Variants in PLEKHH2 observed in about 807,000 individuals in gnomAD.
The protein encoded by PLEKHH2 is pleckstrin homology, MyTH4 and FERM domain containing H2.
Under a neutral mutation model 187.9 loss-of-function variants are expected in PLEKHH2, and 129 were observed. The observed-to-expected ratio is 0.69, with a 90% CI of 0.59 to 0.79. PLEKHH2 has a LOEUF of 0.79. PLEKHH2 is among the 30% of genes least tolerant of loss of function. The pLI is 0.00. For synonymous variants in PLEKHH2, 686 were observed against 605.6 expected (o/e 1.13, Z -1.95); for missense variants, 2,076 against 1,751.2 (o/e 1.19, Z -3.31).
Position 43,710,806 on chromosome 2 carries a change from A to G in PLEKHH2, c.2301+231A>G, listed in dbSNP as rs111923496. 1.9e-3 allele frequency: 2,478 copies of G among 1,307,226 alleles called. 44 individuals carry two copies. In the African/African-American group the frequency reaches 0.031, roughly 16 times the overall value. 81.0% of individuals were successfully genotyped at this position (1,307,226 alleles called of 1,614,324 possible). ...CACCACACTTTACCTTTCTTCCTTT[A>G]TACTCTTCTTTCCTCATATTTAATC... On this transcript the variant is annotated intron_variant, in intron 14 of 29. Transcript: ENST00000282406.
intron 14 of PLEKHH2, chr2:43,710,996 T>G (rs1442739937): frequency 2.0e-6 from 2 of 997,940 alleles, no homozygotes; most frequent in Non-Finnish European, 2.4e-6. Flanking sequence ...GAACTTCAGA[T>G]GCCATAACAC....
chr2:43,639,771 C>G (rs112945205), intron 1 of PLEKHH2, among the ~76,000 whole-genome samples: 3,510 of 150,180 alleles, frequency 0.023, 51 homozygotes, highest in African/African-American at 0.04. Flanking sequence ...ATTCTCCTGT[C>G]TCAGCCTCCC....
chr2:43,762,018 T>G (rs888317882), intron 27 of PLEKHH2, among the ~76,000 whole-genome samples: 1 of 152,174 alleles, frequency 6.6e-6, no homozygotes, highest in African/African-American at 2.4e-5. Context: ...ACATTATTGT[T>G]CCTATGCTAA....
intron 2 of PLEKHH2, among the ~76,000 whole-genome samples, chr2:43,662,462 T>C: frequency 2.7e-4 from 1 of 3,662 alleles, no homozygotes; most frequent in Non-Finnish European, 5.3e-4. Flanking sequence ...ATACCCTTTA[T>C]TTCCTTCTCC....
chr2:43,701,625 A>C (rs1669370377), intron 8 of PLEKHH2, among the ~76,000 whole-genome samples: 2 of 152,092 alleles, frequency 1.3e-5, no homozygotes, highest in South Asian at 4.1e-4. Flanking sequence ...TTGGTTTCCA[A>C]AGTATCTTTC....
At chr2:43,738,597 G>C in intron 20 of PLEKHH2, 77 bp downstream of exon 20, 1 of 1,345,890 alleles carries the variant, frequency 7.4e-7, no homozygotes, top group South Asian at 1.5e-5. Context: ...TACACATTCA[G>C]CATAGACATT....
chr2:43,682,071 C>A (rs1318345414), intron 3 of PLEKHH2, among the ~76,000 whole-genome samples: 1 of 152,154 alleles, frequency 6.6e-6, no homozygotes, highest in Non-Finnish European at 1.5e-5. Flanking sequence ...GCCCCCCTCA[C>A]ACTGGACTAT....
At chr2:43,713,747 C>T (rs1425838200) in intron 15 of PLEKHH2, among the ~76,000 whole-genome samples, 2 of 148,838 alleles carry the variant, frequency 1.3e-5, no homozygotes, top group Admixed American at 1.3e-4. Flanking sequence ...TTGAAAAATA[C>T]AACAAAATAT....
intron 19 of PLEKHH2, among the ~76,000 whole-genome samples, chr2:43,735,310 A>T (rs1295054527): frequency 2.6e-5 from 4 of 152,232 alleles, no homozygotes; most frequent in African/African-American, 7.2e-5. Context: ...ATTAAGTAAA[A>T]TAAGCCAAGC....
At chr2:43,746,550 A>G (rs1044104191) in intron 24 of PLEKHH2, among the ~76,000 whole-genome samples, 2 of 146,190 alleles carry the variant, frequency 1.4e-5, no homozygotes, top group Non-Finnish European at 3.0e-5. Context: ...ACACACACAC[A>G]CGCACACAAT....
chr2:43,721,423 T>G (rs556479539), intron 16 of PLEKHH2, among the ~76,000 whole-genome samples: 4 of 152,320 alleles, frequency 2.6e-5, no homozygotes, highest in South Asian at 2.1e-4. Flanking sequence ...ACTGTTACTG[T>G]GTTAATGAGA....
At chr2:43,654,966 G>T (rs1342691014) in intron 2 of PLEKHH2, among the ~76,000 whole-genome samples, 8 of 151,924 alleles carry the variant, frequency 5.3e-5, no homozygotes, top group African/African-American at 1.9e-4. Flanking sequence ...GATGGAGGTT[G>T]CAGTGAGCCA....
intron 3 of PLEKHH2, among the ~76,000 whole-genome samples, chr2:43,684,208 C>T (rs977471159): frequency 1.3e-5 from 2 of 150,400 alleles, no homozygotes; most frequent in Non-Finnish European, 1.5e-5. Context: ...CTTCTTTTCC[C>T]CTTCCTTTCC....
In PLEKHH2 at chr2:43,688,237, C is replaced by T. The variant is rs1021928778; in HGVS notation, c.187-4277C>T. 1.5e-4 allele frequency among the ~76,000 whole-genome samples: 23 copies of T among 152,194 alleles called. 1 individual carries two copies. The highest frequency in any genetic ancestry group is 1.5e-3 in the Admixed American group (23 of 15,288). The stretch of plus-strand genomic sequence containing the variant: ...CACCAACTATGCATCCAACAATGGT[C>T]TAATATCCAGAATCTATAAGGAAGT... On this transcript the variant is annotated intron_variant, in intron 3 of 29. Coordinates refer to ENST00000282406, the MANE Select transcript of PLEKHH2 (RefSeq NM_172069.4).
intron 19 of PLEKHH2, 74 bp from the exon 20 acceptor site, chr2:43,738,267 A>G: frequency 1.6e-6 from 2 of 1,241,088 alleles, no homozygotes; most frequent in Non-Finnish European, 2.2e-6. Context: ...TGCTGAAAAG[A>G]TATTCGATAT....
intron 7 of PLEKHH2, among the ~76,000 whole-genome samples, chr2:43,697,726 A>T (rs1445590075): frequency 6.6e-6 from 1 of 152,182 alleles, no homozygotes; most frequent in African/African-American, 2.4e-5. Flanking sequence ...ATAAAACATT[A>T]CTTAATATTA....
intron 28 of PLEKHH2, among the ~76,000 whole-genome samples, chr2:43,763,728 T>C (rs971809738): frequency 6.6e-6 from 1 of 152,094 alleles, no homozygotes; most frequent in African/African-American, 2.4e-5. Context: ...GGAAACACAT[T>C]AGAAAAAAAT....
chr2:43,670,914 GT>G (rs1667465936), intron 2 of PLEKHH2, among the ~76,000 whole-genome samples: 1 of 151,164 alleles, frequency 6.6e-6, no homozygotes, highest in South Asian at 2.1e-4. Flanking sequence ...GTATTTTATG[GT>G]TTTGATGCTT....
At chr2:43,762,197 GTTA>G (rs1263635014) in intron 27 of PLEKHH2, 104 bp from the exon 28 acceptor site, 3 of 826,620 alleles carry the variant, frequency 3.6e-6, no homozygotes, top group African/African-American at 1.7e-5. Flanking sequence ...AATTTTTGTT[GTTA>G]TTATTGTTGT....
Sources: gnomAD v4.1 joint callset for allele counts (sites outside exome capture counted in the v4.1 genomes callset) on GRCh38, gnomAD v4.1.1 for gene constraint, MANE v1.5 for transcripts, NCBI Gene and HGNC (gene_info 2026-07-23, HGNC 2026-07-21) for gene names.